TDRP: variants seen among roughly 807,000 people sequenced by gnomAD.
TDRP encodes the protein testis development related protein, also known as testis development-related protein.
TDRP carries 12 observed loss-of-function variants against 10.5 expected under a neutral mutation model. The ratio of observed to expected loss-of-function variants is 1.15; its 90% CI spans 0.73 to 1.86. The LOEUF (loss-of-function observed/expected upper bound fraction) is 1.86, where lower values mean the gene tolerates loss of function less well. Among genes scored for constraint, TDRP ranks in the 40% most tolerant of loss-of-function variants. The pLI, the probability that TDRP is intolerant of heterozygous loss-of-function variation, is 0.00. For synonymous variants in TDRP, 139 were observed against 95.4 expected, an observed-to-expected ratio of 1.46 and a Z score of -2.67; for missense variants, 353 against 229.2, an observed-to-expected ratio of 1.54 and a Z score of -3.49.
intron 1 of TDRP, among the ~76,000 whole-genome samples, chr8:519,129 C>T (rs907271260): frequency 6.6e-6 from 1 of 152,164 alleles, no homozygotes; most frequent in Non-Finnish European, 1.5e-5. Flanking sequence ...TTTAATCAGT[C>T]ATGCCTAGGG....
chr8:543,926 GA>G (rs1447638414), intron 1 of TDRP, among the ~76,000 whole-genome samples: 63 of 140,516 alleles, frequency 4.5e-4, no homozygotes, highest in South Asian at 8.2e-4. Context: ...TGGAAAAAGG[GA>G]GGGGGGGGGA....
chr8:541,004 T>C (rs987687840), intron 1 of TDRP, among the ~76,000 whole-genome samples: 1 of 152,226 alleles, frequency 6.6e-6, no homozygotes, highest in Non-Finnish European at 1.5e-5. Flanking sequence ...ACTTCTAACA[T>C]GACAGTGAAT....
chr8:545,778 G>T (rs964360586), upstream of TDRP: 2 of 151,778 alleles, frequency 1.3e-5, no homozygotes, highest in South Asian at 2.1e-4. Context: ...GCTCGGCCCG[G>T]ACTGACGGCG....
At chr8:499,117 A>G (rs1371919798) in intron 1 of TDRP, among the ~76,000 whole-genome samples, 1 of 152,244 alleles carries the variant, frequency 6.6e-6, no homozygotes, top group Non-Finnish European at 1.5e-5. Flanking sequence ...GAAAATCAAC[A>G]GGAAATGAGA....
At chr8:521,869 T>G (rs934063429) in intron 1 of TDRP, among the ~76,000 whole-genome samples, 2 of 152,198 alleles carry the variant, frequency 1.3e-5, no homozygotes, top group Non-Finnish European at 2.9e-5. Flanking sequence ...CAACATGGGC[T>G]GTCTATTTAT....
chr8:519,178 T>A (rs7819529), intron 1 of TDRP, among the ~76,000 whole-genome samples: 1 of 151,910 alleles, frequency 6.6e-6, no homozygotes, highest in South Asian at 2.1e-4. Flanking sequence ...GACAGAGTTC[T>A]GGAGCTTCCA....
intron 1 of TDRP, among the ~76,000 whole-genome samples, chr8:539,060 C>T (rs1802422834): frequency 1.3e-5 from 2 of 152,184 alleles, no homozygotes; most frequent in African/African-American, 2.4e-5. Flanking sequence ...CTGAAGGCAT[C>T]AATAGGGGAC....
chr8:535,303 G>C (rs963254518), intron 1 of TDRP, among the ~76,000 whole-genome samples: 1 of 152,030 alleles, frequency 6.6e-6, no homozygotes, highest in Non-Finnish European at 1.5e-5. Context: ...TCTAGACAAA[G>C]CCAAGGTGAG....
chr8:501,556 C>A (rs567082928), intron 1 of TDRP, among the ~76,000 whole-genome samples: 2 of 151,910 alleles, frequency 1.3e-5, no homozygotes, highest in Non-Finnish European at 1.5e-5. Context: ...TATGTTGGCC[C>A]GGCTGGTCTC....
chr8:511,878 G>C (rs1212723199), intron 1 of TDRP, among the ~76,000 whole-genome samples: 1 of 152,020 alleles, frequency 6.6e-6, no homozygotes, highest in Non-Finnish European at 1.5e-5. Flanking sequence ...ACAAAGTGAA[G>C]ACACAACATA....
intron 1 of TDRP, among the ~76,000 whole-genome samples, chr8:523,992 G>C (rs1801973105): frequency 6.6e-6 from 1 of 152,340 alleles, no homozygotes; most frequent in East Asian, 1.9e-4. Flanking sequence ...AGGGCCTTGA[G>C]CGAGATCCAG....
chr8:540,721 T>C (rs894950462), intron 1 of TDRP, among the ~76,000 whole-genome samples: 3 of 150,396 alleles, frequency 2.0e-5, no homozygotes, highest in Admixed American at 6.7e-5. Context: ...ATTTTAGTAA[T>C]AGTTAAGTGT....
chr8:493,329 C>T (rs1026269947), intron 2 of TDRP, among the ~76,000 whole-genome samples: 12 of 152,230 alleles, frequency 7.9e-5, no homozygotes, highest in Admixed American at 5.2e-4. Context: ...AACACCAGTG[C>T]CCAGGCCCTC....
intron 1 of TDRP, among the ~76,000 whole-genome samples, chr8:535,549 G>C (rs1036509033): frequency 1.3e-4 from 20 of 152,262 alleles, no homozygotes; most frequent in African/African-American, 4.3e-4. Flanking sequence ...ATCCTCTTGA[G>C]CTTCAGTCTT....
chr8:544,314 C>T (rs1381357886), intron 1 of TDRP, among the ~76,000 whole-genome samples: 1 of 151,964 alleles, frequency 6.6e-6, no homozygotes, highest in Non-Finnish European at 1.5e-5. Context: ...CACTGCGTCC[C>T]CGCTCTCCTG....
chr8:520,548 T>C (rs1376309734), intron 1 of TDRP, among the ~76,000 whole-genome samples: 1 of 152,236 alleles, frequency 6.6e-6, no homozygotes. Context: ...TAAATCATTG[T>C]TACAAGATTG....
At chr8:501,295 G>T (rs868541457) in intron 1 of TDRP, among the ~76,000 whole-genome samples, 1 of 152,234 alleles carries the variant, frequency 6.6e-6, no homozygotes, top group Middle Eastern at 3.4e-3. Flanking sequence ...GTTCAGTCCA[G>T]AGTCCATGTA....
intron 1 of TDRP, among the ~76,000 whole-genome samples, chr8:505,568 A>G (rs1382639888): frequency 6.6e-6 from 1 of 152,192 alleles, no homozygotes; most frequent in Non-Finnish European, 1.5e-5. Flanking sequence ...CCAGGAGCCA[A>G]TGTCAGCCTC....
At chr8:513,992 A>C (rs1264238610) in intron 1 of TDRP, among the ~76,000 whole-genome samples, 2 of 152,240 alleles carry the variant, frequency 1.3e-5, no homozygotes. Flanking sequence ...GAATCAGAAG[A>C]CATAACATTA....
Sources: allele counts gnomAD v4.1 joint callset (sites outside exome capture counted in the v4.1 genomes callset), GRCh38; gene constraint gnomAD v4.1.1; transcripts MANE v1.5; gene names NCBI Gene and HGNC (gene_info 2026-07-23, HGNC 2026-07-21).